Variants in STAC observed in about 807,000 individuals in gnomAD.
STAC encodes SH3 and cysteine rich domain.
Under a neutral mutation model 48.8 loss-of-function variants are expected in STAC, and 43 were observed. That is an observed-to-expected ratio of 0.88 (90% CI 0.69 to 1.14). The LOEUF (loss-of-function observed/expected upper bound fraction) is 1.14, where lower values mean the gene tolerates loss of function less well. Among genes scored for constraint, STAC ranks in the 50% most tolerant of loss-of-function variants. The pLI is 0.00. For synonymous variants in STAC, 193 were observed against 179.5 expected (o/e 1.07, Z -0.60); for missense variants, 497 against 504.0 (o/e 0.99, Z 0.13).
chr3:36,469,109 A>G (rs1233473817), intron 2 of STAC, among the ~76,000 whole-genome samples: 2 of 152,104 alleles, frequency 1.3e-5, no homozygotes, highest in Non-Finnish European at 2.9e-5. Flanking sequence ...TTGAGATGTG[A>G]GATTCTATTC....
rs550425793 is a variant in STAC, at chr3:36,529,260, G to A, written c.1110+275G>A. 53 of 209,148 alleles carry A rather than the reference G, an allele frequency of 2.5e-4. No individual in the cohort carries two copies. The East Asian group carries it at 4.1e-3, about 16-fold the overall frequency. The allele number at this position is 209,148 out of a possible 1,614,324, so 13.0% of individuals were successfully genotyped here. A position where few individuals can be genotyped will look rare whatever the true frequency, so the allele number is the denominator to read the frequency against. On this transcript the variant is annotated intron_variant, in intron 10 of 10. Coordinates refer to ENST00000273183, the MANE Select transcript of STAC (RefSeq NM_003149.3). ...CCCATGCTCTTCTCAGAAGACCACC[G>A]GTCTCTGATGTGGACAGCTTCTCTC...
At chr3:36,415,722 T>C (rs970056809) in intron 1 of STAC, among the ~76,000 whole-genome samples, 1 of 152,182 alleles carries the variant, frequency 6.6e-6, no homozygotes, top group African/African-American at 2.4e-5. Context: ...TTGGGAGCTG[T>C]AGATTGGAGC....
chr3:36,392,122 T>A (rs1051174404), intron 1 of STAC, among the ~76,000 whole-genome samples: 6 of 152,168 alleles, frequency 3.9e-5, no homozygotes, highest in African/African-American at 1.4e-4. Flanking sequence ...TTCCCAGTGA[T>A]GTCAATCACT....
chr3:36,485,913 A>C (rs1177808776), intron 4 of STAC: 2 of 409,572 alleles, frequency 4.9e-6, no homozygotes, highest in Non-Finnish European at 8.7e-6. Flanking sequence ...ATTCGGGAGC[A>C]GAGTACTAGC....
rs543752944 is a variant in STAC, at chr3:36,408,531, T to C, written c.111+27777T>C. On this transcript the variant is annotated intron_variant, in intron 1 of 10. Transcript: ENST00000273183. ...CAAACATCAAAGATGCAAATCCTGA[T>C]TGGTTTAAGCAATCATGGTTGTTAC... 3.9e-5 allele frequency among the ~76,000 whole-genome samples: 6 copies of C among 152,328 alleles called. No homozygotes were observed. The East Asian group carries it at 9.6e-4, about 24-fold the overall frequency.
chr3:36,486,089 C>G (rs780008415), intron 4 of STAC, 45 bp from the exon 5 acceptor site: 1 of 1,488,738 alleles, frequency 6.7e-7, no homozygotes, highest in South Asian at 1.2e-5. Context: ...TTGGCTGGGT[C>G]CTCTCAGATG....
At chr3:36,473,960 A>G (rs1028887364) in intron 2 of STAC, among the ~76,000 whole-genome samples, 1 of 152,206 alleles carries the variant, frequency 6.6e-6, no homozygotes, top group Non-Finnish European at 1.5e-5. Flanking sequence ...AGCAGCATAC[A>G]CTTACATTGG....
At chr3:36,546,152 CAGTAA>C (rs1340804009) in intron 10 of STAC, 34 bp from the exon 11 acceptor site, 11 of 1,564,128 alleles carry the variant, frequency 7.0e-6, no homozygotes, top group East Asian at 2.2e-5. Flanking sequence ...TTCTTGCTGA[CAGTAA>C]AGTATTTTGT....
intron 8 of STAC, among the ~76,000 whole-genome samples, chr3:36,519,184 C>T (rs1698743085): frequency 6.6e-6 from 1 of 152,072 alleles, no homozygotes; most frequent in Admixed American, 6.5e-5. Flanking sequence ...AAAGGCAAGC[C>T]CCATTACAAA....
chr3:36,509,880 C>T (rs191534389), intron 8 of STAC, among the ~76,000 whole-genome samples: 139 of 152,026 alleles, frequency 9.1e-4, no homozygotes, highest in Non-Finnish European at 1.3e-3. Flanking sequence ...TAGGGAATAC[C>T]ATTCAGGACA....
chr3:36,394,799 A>C (rs1330707691), intron 1 of STAC, among the ~76,000 whole-genome samples: 1 of 152,002 alleles, frequency 6.6e-6, no homozygotes, highest in Non-Finnish European at 1.5e-5. Context: ...CAGGAGGCTG[A>C]GGCAGGAGAA....
At chr3:36,530,849 C>G (rs142893248) in intron 10 of STAC, among the ~76,000 whole-genome samples, 17,054 of 152,070 alleles carry the variant, frequency 0.11, 1,156 homozygotes, top group Non-Finnish European at 0.15. Context: ...CCACCCGCCT[C>G]GGCCTCCCAA....
intron 5 of STAC, among the ~76,000 whole-genome samples, chr3:36,488,745 C>T (rs1361303274): frequency 6.6e-6 from 1 of 152,128 alleles, no homozygotes; most frequent in Non-Finnish European, 1.5e-5. Context: ...AGGTTTGAAC[C>T]TCATTATCTC....
chr3:36,511,303 T>C (rs1362418899), intron 8 of STAC, among the ~76,000 whole-genome samples: 1 of 152,196 alleles, frequency 6.6e-6, no homozygotes, highest in Non-Finnish European at 1.5e-5. Flanking sequence ...ACTACAATGA[T>C]AGAAAAGAAA....
intron 1 of STAC, among the ~76,000 whole-genome samples, chr3:36,442,766 AC>A (rs1696385982): frequency 1.6e-5 from 1 of 60,852 alleles, no homozygotes; most frequent in African/African-American, 4.0e-5. Flanking sequence ...ACACACACAC[AC>A]ACACACACAC....
At chr3:36,492,898 C>G (rs998556072) in intron 5 of STAC, among the ~76,000 whole-genome samples, 1 of 152,190 alleles carries the variant, frequency 6.6e-6, no homozygotes, top group Non-Finnish European at 1.5e-5. Context: ...TGCTTCTAGA[C>G]ATTCATGAAT....
At chr3:36,541,084 C>T (rs568222078) in intron 10 of STAC, among the ~76,000 whole-genome samples, 5 of 152,248 alleles carry the variant, frequency 3.3e-5, no homozygotes, top group Admixed American at 1.3e-4. Flanking sequence ...ATGATAGCTA[C>T]GTCCCCTAGT....
chr3:36,391,713 A>G (rs58303436), intron 1 of STAC, among the ~76,000 whole-genome samples: 29,014 of 152,198 alleles, frequency 0.19, 3,355 homozygotes, highest in Non-Finnish European at 0.24. Flanking sequence ...TAAGCAGGGA[A>G]GAAGCTGTTT....
At position 36,380,760 on chromosome 3, in the gene STAC, G is replaced by C. The variant is rs367665582; in HGVS notation, c.111+6G>C. On this transcript the variant is annotated splice_donor_region_variant and intron_variant, in intron 1 of 10. Transcript: ENST00000273183. Reference sequence around the variant, plus strand: ...CCAGCAGCCAGGAATCCAAGGTACCGAGCACGCTTGCCCCCAAGAGAACAC... The same window carrying C: ...CCAGCAGCCAGGAATCCAAGGTACCCAGCACGCTTGCCCCCAAGAGAACAC... The C allele has an allele frequency of 2.6e-5, 42 of 1,604,122 alleles. No individual in the cohort carries two copies. In the African/African-American group the frequency reaches 5.6e-4, roughly 21 times the overall value.
Sources: allele counts gnomAD v4.1 joint callset (sites outside exome capture counted in the v4.1 genomes callset), GRCh38; gene constraint gnomAD v4.1.1; transcripts MANE v1.5; gene names NCBI Gene and HGNC (gene_info 2026-07-23, HGNC 2026-07-21).